Variants in SLC35F1 observed in about 807,000 individuals in gnomAD.
SLC35F1 encodes solute carrier family 35 member F1.
Under a neutral mutation model 48.7 loss-of-function variants are expected in SLC35F1, and 14 were observed. That is an observed-to-expected ratio of 0.29 (90% CI 0.19 to 0.45). The LOEUF (loss-of-function observed/expected upper bound fraction) is 0.45. SLC35F1 is among the 20% of genes least tolerant of loss of function. The pLI, the probability that SLC35F1 is intolerant of heterozygous loss-of-function variation, is 1.00. For synonymous variants in SLC35F1, 190 were observed against 202.2 expected (o/e 0.94, Z 0.51); for missense variants, 404 against 500.0 (o/e 0.81, Z 1.83).
chr6:118,087,616 T>A (rs1162783389), intron 1 of SLC35F1, among the ~76,000 whole-genome samples: 4 of 152,150 alleles, frequency 2.6e-5, no homozygotes, highest in Non-Finnish European at 4.4e-5. Context: ...AAGACAGAAT[T>A]CACTGGACCC....
At chr6:117,937,432 A>G (rs770757767) in intron 1 of SLC35F1, among the ~76,000 whole-genome samples, 5 of 152,222 alleles carry the variant, frequency 3.3e-5, no homozygotes, top group African/African-American at 9.6e-5. Context: ...TCATCTTTCA[A>G]AACAAATTAA....
At chr6:118,311,019 A>G (rs1056564345) in intron 7 of SLC35F1, among the ~76,000 whole-genome samples, 1 of 152,112 alleles carries the variant, frequency 6.6e-6, no homozygotes, top group Non-Finnish European at 1.5e-5. Context: ...TCCTGTCTCT[A>G]CCACTACATT....
intron 3 of SLC35F1, among the ~76,000 whole-genome samples, chr6:118,246,558 A>C (rs1029278714): frequency 6.6e-6 from 1 of 152,120 alleles, no homozygotes; most frequent in Non-Finnish European, 1.5e-5. Flanking sequence ...TGTAAACCTA[A>C]GTTTTACTGA....
chr6:118,020,575 G>A (rs1777380812), intron 1 of SLC35F1, among the ~76,000 whole-genome samples: 1 of 152,212 alleles, frequency 6.6e-6, no homozygotes, highest in Admixed American at 6.5e-5. Context: ...TGACCAGGAT[G>A]GAAAGGGCTT....
intron 3 of SLC35F1, among the ~76,000 whole-genome samples, chr6:118,257,935 A>T (rs766298986): frequency 6.6e-6 from 1 of 152,186 alleles, no homozygotes; most frequent in African/African-American, 2.4e-5. Context: ...TGTCATTTTC[A>T]TCCATGTTGC....
intron 2 of SLC35F1, among the ~76,000 whole-genome samples, chr6:118,220,163 T>A (rs961666932): frequency 2.6e-5 from 4 of 152,084 alleles, no homozygotes; most frequent in Admixed American, 2.6e-4. Context: ...ACTTAAAGTA[T>A]AATAATAAAA....
At chr6:118,060,663 C>A (rs189735274) in intron 1 of SLC35F1, among the ~76,000 whole-genome samples, 4 of 152,128 alleles carry the variant, frequency 2.6e-5, no homozygotes, top group South Asian at 2.1e-4. Context: ...AATGAATGAA[C>A]GAATCATTAA....
chr6:118,002,913 A>G (rs1777123349), intron 1 of SLC35F1, among the ~76,000 whole-genome samples: 1 of 152,084 alleles, frequency 6.6e-6, no homozygotes. Context: ...GTTTTATATT[A>G]TTTCAGTTAT....
chr6:118,212,425 C>T (rs1282620083), intron 2 of SLC35F1, among the ~76,000 whole-genome samples: 1 of 152,118 alleles, frequency 6.6e-6, no homozygotes, highest in East Asian at 1.9e-4. Context: ...CGCAGTGGCT[C>T]ACACCTGTAA....
At chr6:118,182,519 A>AAGGAAGGAAG (rs752942549) in intron 2 of SLC35F1, among the ~76,000 whole-genome samples, 96 of 106,340 alleles carry the variant, frequency 9.0e-4, no homozygotes, top group East Asian at 6.7e-3. Context: ...AGAGAGAGAG[A>AAGGAAGGAAG]GAAGGAAGGA....
At chr6:117,997,470 T>G (rs1247381046) in intron 1 of SLC35F1, among the ~76,000 whole-genome samples, 1 of 151,840 alleles carries the variant, frequency 6.6e-6, no homozygotes, top group African/African-American at 2.4e-5. Context: ...GACACATAAC[T>G]GTCAGATTCA....
intron 1 of SLC35F1, among the ~76,000 whole-genome samples, chr6:118,044,333 C>T (rs1772269844): frequency 6.6e-6 from 1 of 152,186 alleles, no homozygotes; most frequent in Non-Finnish European, 1.5e-5. Context: ...TGCCATCGCC[C>T]TTTCCTCCCA....
chr6:118,258,528 G>C (rs1231072267), intron 3 of SLC35F1, among the ~76,000 whole-genome samples: 1 of 152,014 alleles, frequency 6.6e-6, no homozygotes, highest in Non-Finnish European at 1.5e-5. Context: ...AAGATGGGCA[G>C]GGATGTTGAA....
intron 1 of SLC35F1, among the ~76,000 whole-genome samples, chr6:117,915,412 G>A (rs138230030): frequency 1.2e-4 from 19 of 152,298 alleles, no homozygotes; most frequent in African/African-American, 4.6e-4. Context: ...AGGAGGGAGA[G>A]AGCATGCTAG....
chr6:118,000,980 C>A (rs1777084391), intron 1 of SLC35F1, among the ~76,000 whole-genome samples: 1 of 152,002 alleles, frequency 6.6e-6, no homozygotes, highest in Non-Finnish European at 1.5e-5. Flanking sequence ...ACATTCCATG[C>A]TCATCGGTAG....
chr6:118,275,361 A>G, intron 4 of SLC35F1, 98 bp from the exon 5 acceptor site: 3 of 1,289,684 alleles, frequency 2.3e-6, no homozygotes, highest in Non-Finnish European at 3.2e-6. Context: ...AAATGTCAAA[A>G]TAGAATAGGC....
At chr6:118,244,649 A>G (rs1315075021) in intron 3 of SLC35F1, among the ~76,000 whole-genome samples, 1 of 152,200 alleles carries the variant, frequency 6.6e-6, no homozygotes, top group African/African-American at 2.4e-5. Context: ...TCATTTCTTC[A>G]TCTTCAGTTT....
intron 2 of SLC35F1, among the ~76,000 whole-genome samples, chr6:118,233,776 A>C (rs1017861526): frequency 6.6e-6 from 1 of 152,226 alleles, no homozygotes; most frequent in African/African-American, 2.4e-5. Context: ...GAGAAGGGCT[A>C]CATTTTGAAA....
intron 3 of SLC35F1, among the ~76,000 whole-genome samples, chr6:118,249,602 T>A (rs1185248668): frequency 6.6e-6 from 1 of 152,152 alleles, no homozygotes; most frequent in Non-Finnish European, 1.5e-5. Flanking sequence ...AGGAGATGGG[T>A]TTGTTCATAA....
Sources: allele counts gnomAD v4.1 joint callset (sites outside exome capture counted in the v4.1 genomes callset), GRCh38; gene constraint gnomAD v4.1.1; transcripts MANE v1.5; gene names NCBI Gene and HGNC (gene_info 2026-07-23, HGNC 2026-07-21).